Variants in EML4 observed in about 807,000 individuals in gnomAD.
EML4 encodes the protein echinoderm microtubule-associated protein-like 4.
Under a neutral mutation model 129.0 loss-of-function variants are expected in EML4, and 72 were observed. The observed-to-expected ratio is 0.56, with a 90% CI of 0.46 to 0.68. The LOEUF (loss-of-function observed/expected upper bound fraction) is 0.68, where lower values mean the gene tolerates loss of function less well. EML4 is among the 30% of genes least tolerant of loss of function. EML4 has a pLI of 0.00. For missense variants in EML4, 1,363 were observed against 1,190.6 expected (o/e 1.14, Z -2.13); for synonymous variants, 532 against 405.0 (o/e 1.31, Z -3.77).
intron 13 of EML4, among the ~76,000 whole-genome samples, chr2:42,300,619 T>A (rs1298761295): frequency 6.6e-6 from 1 of 152,180 alleles, no homozygotes; most frequent in Non-Finnish European, 1.5e-5. Flanking sequence ...TTTGTCCCAA[T>A]AACTTCTGTA....
intron 1 of EML4, among the ~76,000 whole-genome samples, chr2:42,228,917 T>C (rs1198480084): frequency 6.6e-6 from 1 of 152,192 alleles, no homozygotes; most frequent in East Asian, 1.9e-4. Flanking sequence ...ACATATATCT[T>C]TGTGTTGTTT....
At chr2:42,209,546 G>T (rs1020517858) in intron 1 of EML4, among the ~76,000 whole-genome samples, 2 of 152,142 alleles carry the variant, frequency 1.3e-5, no homozygotes, top group African/African-American at 4.8e-5. Flanking sequence ...TCAAACTTTA[G>T]TTATCTGAGT....
Position 42,295,111 on chromosome 2 carries a change from T to C in EML4, c.1219-14T>C. On this transcript the variant is annotated splice_polypyrimidine_tract_variant and intron_variant, in intron 11 of 22. Coordinates refer to ENST00000318522, the MANE Select transcript of EML4 (RefSeq NM_019063.5). ...GATATACATTCATCTAAAGCTTTATTTCCCTTTTCATAGACAACAAATGAA... is the reference window on the plus strand; with the variant it reads ...GATATACATTCATCTAAAGCTTTATCTCCCTTTTCATAGACAACAAATGAA... 6.3e-7 allele frequency: 1 copy of C among 1,599,928 alleles called. No individual in the cohort carries two copies. Among genetic ancestry groups the C allele is most frequent in the African/African-American group, 1.3e-5 (1 of 74,090 alleles).
At chr2:42,177,298 G>C (rs1000577146) in intron 1 of EML4, among the ~76,000 whole-genome samples, 2 of 150,790 alleles carry the variant, frequency 1.3e-5, no homozygotes, top group Non-Finnish European at 2.9e-5. Context: ...CCAAAAGATT[G>C]TAATACACAA....
chr2:42,246,240 G>T (rs1011958505), intron 2 of EML4, among the ~76,000 whole-genome samples: 3 of 152,118 alleles, frequency 2.0e-5, no homozygotes, highest in East Asian at 1.9e-4. Flanking sequence ...AGACCCTGTT[G>T]CTCTGAGTTT....
intron 1 of EML4, among the ~76,000 whole-genome samples, chr2:42,223,622 A>G (rs1422609407): frequency 1.3e-5 from 2 of 152,102 alleles, no homozygotes; most frequent in African/African-American, 2.4e-5. Context: ...CCATGACAAG[A>G]GTACAATGTG....
At chr2:42,194,441 C>G (rs1431115120) in intron 1 of EML4, among the ~76,000 whole-genome samples, 9 of 148,928 alleles carry the variant, frequency 6.0e-5, no homozygotes, top group Non-Finnish European at 1.3e-4. Flanking sequence ...GAATATTTTC[C>G]CCTACATTGT....
chr2:42,323,505 A>G (rs941912426), intron 19 of EML4, among the ~76,000 whole-genome samples: 9 of 152,236 alleles, frequency 5.9e-5, no homozygotes, highest in African/African-American at 1.7e-4. Flanking sequence ...ATACAGCACT[A>G]TGGTGGAGAT....
At chr2:42,325,439 T>C in intron 19 of EML4, 28 bp from the exon 20 acceptor site, 1 of 1,119,476 alleles carries the variant, frequency 8.9e-7, no homozygotes, top group Non-Finnish European at 1.4e-6. Context: ...TCTAAATGCT[T>C]TCTAACAATT....
intron 6 of EML4, among the ~76,000 whole-genome samples, chr2:42,268,205 G>A (rs11124869): frequency 0.25 from 38,636 of 152,016 alleles, 5,890 homozygotes; most frequent in East Asian, 0.56. Flanking sequence ...TTCCATCTGT[G>A]GTGAACATGT....
intron 1 of EML4, among the ~76,000 whole-genome samples, chr2:42,189,180 T>G (rs528681606): frequency 3.1e-4 from 47 of 152,182 alleles, no homozygotes; most frequent in Non-Finnish European, 6.0e-4. Context: ...AGCCTTATTT[T>G]TAAAACAGTG....
Position 42,317,426 on chromosome 2 carries a change from G to C in EML4, c.2057-1G>C. ...GTCAACACTGACCTATTTTATTCTA[G>C]ATGGTACCTTCCTGGCTGTAGGATC... On this transcript the variant is annotated splice_acceptor_variant, in intron 18 of 22. Transcript: ENST00000318522. LOFTEE classifies it high-confidence loss of function. The C allele has an allele frequency of 6.3e-7, 1 of 1,598,222 alleles. No individual in the cohort carries two copies. Among genetic ancestry groups the C allele is most frequent in the Non-Finnish European group, 8.6e-7 (1 of 1,167,964 alleles).
chr2:42,257,533 C>G (rs1676233924), intron 3 of EML4, among the ~76,000 whole-genome samples: 1 of 152,036 alleles, frequency 6.6e-6, no homozygotes, highest in Admixed American at 6.6e-5. Context: ...ATCTTCAGCC[C>G]TTTTAAAAAT....
At chr2:42,286,245 C>T (rs1225899901) in intron 9 of EML4, 24 bp from the exon 10 acceptor site, 1 of 1,372,386 alleles carries the variant, frequency 7.3e-7, no homozygotes, top group Non-Finnish European at 1.0e-6. Flanking sequence ...TGTCCAGTTG[C>T]TCTGCTGTCT....
intron 1 of EML4, among the ~76,000 whole-genome samples, chr2:42,244,179 A>G (rs959537192): frequency 1.0e-4 from 15 of 146,876 alleles, no homozygotes; most frequent in Non-Finnish European, 1.6e-4. Flanking sequence ...GCTCACTGCA[A>G]CCTTTGCCTC....
intron 2 of EML4, among the ~76,000 whole-genome samples, chr2:42,251,713 T>G (rs1466990730): frequency 6.6e-6 from 1 of 152,208 alleles, no homozygotes; most frequent in Non-Finnish European, 1.5e-5. Flanking sequence ...TGATGGAGAA[T>G]TCAAGATAAA....
chr2:42,306,698 T>G (rs1298118726), intron 17 of EML4, among the ~76,000 whole-genome samples: 5 of 151,086 alleles, frequency 3.3e-5, no homozygotes, highest in African/African-American at 9.7e-5. Context: ...GAGACAGAGT[T>G]TCACCGTGTT....
intron 5 of EML4, among the ~76,000 whole-genome samples, chr2:42,263,808 C>T (rs1249382386): frequency 6.6e-6 from 1 of 151,962 alleles, no homozygotes; most frequent in Non-Finnish European, 1.5e-5. Context: ...TGGCTCACTG[C>T]AACCTCCGCC....
chr2:42,313,049 C>T (rs924385770), intron 17 of EML4, among the ~76,000 whole-genome samples: 14 of 146,494 alleles, frequency 9.6e-5, no homozygotes, highest in African/African-American at 3.3e-4. Context: ...CCTGCGTTCA[C>T]GCCATTCTCC....
Sources: gnomAD v4.1 joint callset for allele counts (sites outside exome capture counted in the v4.1 genomes callset) on GRCh38, gnomAD v4.1.1 for gene constraint, MANE v1.5 for transcripts, NCBI Gene and HGNC (gene_info 2026-07-23, HGNC 2026-07-21) for gene names.